The following C6 variants were observed in gnomAD, a reference collection of about 807,000 sequenced individuals.
C6 encodes the protein complement component C6.
C6 carries 101 observed loss-of-function variants against 112.9 expected under a neutral mutation model. The observed-to-expected ratio is 0.89, with a 90% confidence interval of 0.76 to 1.06. The LOEUF is 1.06. C6 is among the 50% of genes least tolerant of loss of function. C6 has a pLI of 0.00. For synonymous variants in C6, 431 were observed against 384.1 expected, an observed-to-expected ratio of 1.12 and a Z score of -1.43; for missense variants, 1,202 against 1,104.6, an observed-to-expected ratio of 1.09 and a Z score of -1.25.
intron 1 of C6, among the ~76,000 whole-genome samples, chr5:41,256,834 G>C (rs1431331698): frequency 6.6e-6 from 1 of 152,084 alleles, no homozygotes; most frequent in East Asian, 1.9e-4. Flanking sequence ...TTTTACAAAT[G>C]GGTAAAGGAA....
At chr5:41,222,312 C>T (rs1347920538) in intron 1 of C6, among the ~76,000 whole-genome samples, 1 of 151,668 alleles carries the variant, frequency 6.6e-6, no homozygotes, top group East Asian at 1.9e-4. Context: ...TTGAAATTTG[C>T]AATAATCATG....
At chr5:41,201,481 T>C (rs1182991852) in intron 3 of C6, 77 bp downstream of exon 3, 4 of 1,325,538 alleles carry the variant, frequency 3.0e-6, no homozygotes, top group Admixed American at 3.5e-5. Context: ...TCAGCATTAC[T>C]ATGCTGTTAA....
intron 16 of C6, 32 bp downstream of exon 16, chr5:41,149,903 T>C (rs759696096): frequency 6.7e-7 from 1 of 1,485,268 alleles, no homozygotes; most frequent in South Asian, 1.1e-5. Context: ...GTTTTCCCAA[T>C]TTCCAGACAC....
In C6 at chr5:41,155,810, G is replaced by C. The variant is rs377354835; in HGVS notation, c.1969-706C>G. Among the ~76,000 whole-genome samples the C allele has an allele frequency of 4.0e-4, 60 of 151,884 alleles. No homozygotes were observed. In the South Asian group the frequency reaches 9.8e-3, roughly 25 times the overall value. On this transcript the variant is annotated intron_variant, in intron 13 of 17. Transcript: ENST00000337836. ...GAAGAAACCAAAAAACTATATATGG[G>C]ATGTCCTACTATTGCTAGAATAGAA...
chr5:41,142,754 T>G lies in C6; in HGVS notation c.*71A>C. 8.3e-7 allele frequency: 1 copy of G among 1,199,326 alleles called. No individual in the cohort carries two copies. The highest frequency in any genetic ancestry group is 1.2e-6 in the Non-Finnish European group (1 of 803,494). 74.3% of individuals were successfully genotyped at this position (1,199,326 alleles called of 1,614,324 possible). A position where few individuals can be genotyped will look rare whatever the true frequency, so the allele number is the denominator to read the frequency against. On this transcript the variant is annotated 3_prime_UTR_variant, in exon 18 of 18. Transcript: ENST00000337836. ...TGCCAGTCTGCTGTTTGTGCAAGAA[T>G]TCTCATTTGTAGGAGTTGGTTCTTC...
rs140404117 is a variant in C6 at position 41,167,675 on chromosome 5, C to T, written c.1291+4550G>A. Among the ~76,000 whole-genome samples the T allele has an allele frequency of 2.0e-5, 3 of 152,156 alleles. No homozygotes were observed. The South Asian group carries it at 6.2e-4, about 32-fold the overall frequency. On this transcript the variant is annotated intron_variant, in intron 9 of 17. Coordinates refer to ENST00000337836, the MANE Select transcript of C6 (RefSeq NM_000065.5). ...CTCATACTAACTTATCATAACATAG[C>T]TGAATAGGATCAAGCTTGAGGCACA...
intron 1 of C6, 30 bp from the exon 2 acceptor site, chr5:41,203,280 A>G (rs746069524): frequency 3.1e-6 from 5 of 1,610,452 alleles, no homozygotes; most frequent in East Asian, 2.2e-5. Flanking sequence ...AACACATATC[A>G]AATGCTTTTT....
intron 1 of C6, among the ~76,000 whole-genome samples, chr5:41,233,977 C>A (rs1326653487): frequency 6.6e-6 from 1 of 151,830 alleles, no homozygotes; most frequent in Non-Finnish European, 1.5e-5. Flanking sequence ...TTTCTGTTTC[C>A]ATAGTAAATC....
intron 1 of C6, among the ~76,000 whole-genome samples, chr5:41,240,078 G>A (rs546447427): frequency 4.1e-4 from 63 of 152,252 alleles, no homozygotes; most frequent in African/African-American, 1.4e-3. Context: ...TAATGTGTTA[G>A]GGAGGATCTT....
chr5:41,158,270 C>G (rs1232755122), intron 13 of C6, among the ~76,000 whole-genome samples: 1 of 152,070 alleles, frequency 6.6e-6, no homozygotes, highest in African/African-American at 2.4e-5. Flanking sequence ...GGTTTCTAAC[C>G]TAATAAAAAC....
At chr5:41,153,663 G>T in intron 15 of C6, 147 bp downstream of exon 15, 1 of 638,112 alleles carries the variant, frequency 1.6e-6, no homozygotes. Flanking sequence ...CAGAGCTATT[G>T]CATAGTTCCG....
intron 1 of C6, chr5:41,212,988 A>AATTTCTT (rs1290308130): frequency 6.6e-6 from 1 of 151,290 alleles, no homozygotes; most frequent in Non-Finnish European, 1.5e-5. Flanking sequence ...AAACTTACTG[A>AATTTCTT]ATTTCTTATT....
At position 41,160,136 on chromosome 5, in the gene C6, A is replaced by G. The variant is rs1205830208; in HGVS notation, c.1684+6T>C. ...ATCTACCTCACAATAGATTCCTGAT[A>G]CTTACTGGATTTATAATCTGGAGAC... On this transcript the variant is annotated splice_donor_region_variant and intron_variant, in intron 11 of 17. Coordinates refer to ENST00000337836, the MANE Select transcript of C6 (RefSeq NM_000065.5). The G allele has an allele frequency of 6.3e-7, 1 of 1,598,144 alleles. No homozygotes were observed. The highest frequency in any genetic ancestry group is 8.6e-7 in the Non-Finnish European group (1 of 1,165,550).
intron 5 of C6, among the ~76,000 whole-genome samples, chr5:41,194,389 A>G (rs897042087): frequency 6.6e-6 from 1 of 152,202 alleles, no homozygotes; most frequent in Non-Finnish European, 1.5e-5. Context: ...TTCTAGTTCT[A>G]CATTAGAACC....
At chr5:41,230,372 C>T (rs7715248) in intron 1 of C6, among the ~76,000 whole-genome samples, 1 of 151,920 alleles carries the variant, frequency 6.6e-6, no homozygotes, top group Admixed American at 6.6e-5. Flanking sequence ...ATAATTAATA[C>T]CCTGGGGAAG....
In C6 at chr5:41,142,823, TG is replaced by T; in HGVS notation, c.*1del. ...ATTGTGCTGGGCCTAGCAGTAATTG[TG>T]CTAGGCCAAACACTTTCCAGGATGC... On this transcript the variant is annotated 3_prime_UTR_variant, in exon 18 of 18. Transcript: ENST00000337836. 1 of 1,610,956 alleles carries T rather than the reference TG, an allele frequency of 6.2e-7. No individual in the cohort carries two copies. Among genetic ancestry groups the T allele is most frequent in the Non-Finnish European group, 8.5e-7 (1 of 1,177,330 alleles).
intron 1 of C6, among the ~76,000 whole-genome samples, chr5:41,250,568 A>C (rs958626438): frequency 2.0e-5 from 3 of 152,186 alleles, no homozygotes; most frequent in African/African-American, 4.8e-5. Flanking sequence ...GCAGGATTTA[A>C]ATGTCCTGGC....
chr5:41,258,718 G>A lies in C6; in HGVS notation c.-21+2476C>T, dbSNP rs139792022. 3.9e-3 allele frequency among the ~76,000 whole-genome samples: 598 copies of A among 152,264 alleles called. 5 individuals are homozygous for A. The highest frequency in any genetic ancestry group is 0.014 in the African/African-American group (580 of 41,556). On this transcript the variant is annotated intron_variant, in intron 1 of 17. Coordinates refer to the C6 transcript ENST00000263413. ...GACTGGGTAATTTATAAAGAAAAGA[G>A]GTTTAATTGAATCACAGTATCACAT...
chr5:41,226,496 T>C (rs965818476), intron 1 of C6, among the ~76,000 whole-genome samples: 16 of 152,278 alleles, frequency 1.1e-4, no homozygotes, highest in African/African-American at 3.6e-4. Context: ...TTTTCAACTG[T>C]AGAGTACATT....
Sources: gnomAD v4.1 joint callset for allele counts (sites outside exome capture counted in the v4.1 genomes callset) on GRCh38, gnomAD v4.1.1 for gene constraint, MANE v1.5 for transcripts, NCBI Gene and HGNC (gene_info 2026-07-23, HGNC 2026-07-21) for gene names.